The following KCNMA1 variants were observed in gnomAD, a reference collection of about 807,000 sequenced individuals.
KCNMA1 encodes the protein Calcium-activated potassium channel subunit alpha-1.
Under a neutral mutation model 140.0 loss-of-function variants are expected in KCNMA1, and 29 were observed. The observed-to-expected ratio is 0.21, with a 90% CI of 0.15 to 0.28. The LOEUF (loss-of-function observed/expected upper bound fraction) is 0.28, where lower values mean the gene tolerates loss of function less well. Ranked by LOEUF, KCNMA1 falls within the 10% of genes least tolerant of loss-of-function variation. The pLI is 1.00. For synonymous variants in KCNMA1, 612 were observed against 611.9 expected (o/e 1.00, Z 0.00); for missense variants, 880 against 1,602.2 (o/e 0.55, Z 7.70).
intron 1 of KCNMA1, among the ~76,000 whole-genome samples, chr10:77,461,238 T>TC (rs1329174456): frequency 3.3e-5 from 5 of 151,476 alleles, no homozygotes; most frequent in African/African-American, 1.2e-4. Context: ...CTTTTTTTTT[T>TC]TTCAAAAAAG....
At chr10:76,950,544 G>A (rs975504413) in intron 21 of KCNMA1, among the ~76,000 whole-genome samples, 1 of 152,152 alleles carries the variant, frequency 6.6e-6, no homozygotes, top group Admixed American at 6.5e-5. Context: ...CTCTCCTTCT[G>A]GTTCAATGCC....
intron 18 of KCNMA1, chr10:77,008,314 C>G: frequency 2.1e-6 from 2 of 958,858 alleles, no homozygotes; most frequent in Middle Eastern, 2.4e-4. Flanking sequence ...ACACATCAAA[C>G]TAGACATTAC....
intron 5 of KCNMA1, among the ~76,000 whole-genome samples, chr10:77,142,055 G>A (rs891964974): frequency 2.0e-5 from 3 of 152,148 alleles, no homozygotes; most frequent in Non-Finnish European, 4.4e-5. Context: ...TAACAATTTG[G>A]TTAAAGTGCT....
chr10:77,636,447 G>C (rs1049334725), intron 1 of KCNMA1: 1 of 1,536,076 alleles, frequency 6.5e-7, no homozygotes, highest in Non-Finnish European at 8.7e-7. Context: ...GTAAAACCGC[G>C]GCCTCAGGCG....
At chr10:77,018,489 C>T (rs940770222) in intron 17 of KCNMA1, among the ~76,000 whole-genome samples, 1 of 152,148 alleles carries the variant, frequency 6.6e-6, no homozygotes, top group Non-Finnish European at 1.5e-5. Flanking sequence ...TCCTGTGCTG[C>T]ACTTACAGTG....
At chr10:77,405,871 A>C (rs1449203932) in intron 1 of KCNMA1, among the ~76,000 whole-genome samples, 1 of 152,226 alleles carries the variant, frequency 6.6e-6, no homozygotes, top group South Asian at 2.1e-4. Flanking sequence ...GGGAGGGTGC[A>C]CTGGTGAGTC....
chr10:77,445,214 G>C (rs2097501488), intron 1 of KCNMA1, among the ~76,000 whole-genome samples: 1 of 152,154 alleles, frequency 6.6e-6, no homozygotes, highest in Non-Finnish European at 1.5e-5. Flanking sequence ...CAAGCTCCAA[G>C]ACTATCTGGC....
intron 19 of KCNMA1, among the ~76,000 whole-genome samples, chr10:76,991,684 C>T (rs2082813604): frequency 6.6e-6 from 1 of 152,128 alleles, no homozygotes; most frequent in Non-Finnish European, 1.5e-5. Context: ...CAGGCCATTT[C>T]CTATTCAAGT....
chr10:76,973,327 C>G (rs1240402685), intron 19 of KCNMA1: 1 of 152,528 alleles, frequency 6.6e-6, no homozygotes, highest in Non-Finnish European at 1.5e-5. Context: ...CTTGTTTTTG[C>G]ACATCCCTAA....
At chr10:76,892,454 T>A (rs545890016) in intron 25 of KCNMA1, among the ~76,000 whole-genome samples, 11 of 152,264 alleles carry the variant, frequency 7.2e-5, no homozygotes, top group African/African-American at 2.6e-4. Context: ...ATTAATAGGA[T>A]GTCAAATAAA....
chr10:77,286,951 A>T (rs1428052908), intron 2 of KCNMA1, among the ~76,000 whole-genome samples: 1 of 152,190 alleles, frequency 6.6e-6, no homozygotes, highest in African/African-American at 2.4e-5. Context: ...AGTGGAAAGC[A>T]TTGCCTGTTG....
intron 25 of KCNMA1, chr10:76,904,581 TA>T (rs374995920): frequency 1.1e-4 from 16 of 145,466 alleles, no homozygotes; most frequent in Middle Eastern, 3.2e-3. Context: ...TCTTGTTTTC[TA>T]AAAAAAAAAC....
At chr10:77,604,264 C>T (rs1258175643) in intron 1 of KCNMA1, among the ~76,000 whole-genome samples, 1 of 152,218 alleles carries the variant, frequency 6.6e-6, no homozygotes, top group Admixed American at 6.5e-5. Flanking sequence ...CCATTCTACA[C>T]TAAACTATCA....
At chr10:76,882,034 C>T (rs1422884909), downstream of KCNMA1, among the ~76,000 whole-genome samples, 2 of 152,140 alleles carry the variant, frequency 1.3e-5, no homozygotes, top group Non-Finnish European at 2.9e-5. Context: ...AGGGTCAAAA[C>T]CTCCTCCAGC....
At chr10:77,348,126 G>A (rs1566141852) in intron 2 of KCNMA1, among the ~76,000 whole-genome samples, 1 of 152,136 alleles carries the variant, frequency 6.6e-6, no homozygotes, top group Non-Finnish European at 1.5e-5. Flanking sequence ...ATAAACAGAG[G>A]CAAGCTAACC....
chr10:77,441,142 G>A, intron 1 of KCNMA1, among the ~76,000 whole-genome samples: 1 of 152,082 alleles, frequency 6.6e-6, no homozygotes. Context: ...AATTCAAAGG[G>A]CCAGCTCTCA....
At chr10:77,111,824 GAA>G (rs1341002785) in intron 7 of KCNMA1, among the ~76,000 whole-genome samples, 3 of 152,192 alleles carry the variant, frequency 2.0e-5, no homozygotes, top group Non-Finnish European at 4.4e-5. Context: ...AAAGCAGGGG[GAA>G]AGTCTGCCTT....
At chr10:77,046,735 C>T (rs894886946) in intron 14 of KCNMA1, among the ~76,000 whole-genome samples, 16 of 152,288 alleles carry the variant, frequency 1.1e-4, no homozygotes, top group African/African-American at 3.9e-4. Flanking sequence ...CCTTCTCTAC[C>T]CCTTCTTAGC....
chr10:77,389,701 C>T (rs1034603691), intron 2 of KCNMA1, among the ~76,000 whole-genome samples: 3 of 152,228 alleles, frequency 2.0e-5, no homozygotes, highest in Non-Finnish European at 2.9e-5. Flanking sequence ...TTGAGCTGGC[C>T]CTTTGGAATA....
Sources: allele counts gnomAD v4.1 joint callset (sites outside exome capture counted in the v4.1 genomes callset), GRCh38; gene constraint gnomAD v4.1.1; transcripts MANE v1.5; gene names NCBI Gene and HGNC (gene_info 2026-07-23, HGNC 2026-07-21).